ARHGAP26: variants seen among roughly 807,000 people sequenced by gnomAD.
ARHGAP26 encodes the protein Rho GTPase activating protein 26.
Under a neutral mutation model 104.8 loss-of-function variants are expected in ARHGAP26, and 38 were observed. That is an observed-to-expected ratio of 0.36 (90% CI 0.28 to 0.48). The LOEUF is 0.48. Among genes scored for constraint, ARHGAP26 ranks in the 20% least tolerant of loss-of-function variants. ARHGAP26 has a pLI of 0.99. For missense variants in ARHGAP26, 704 were observed against 947.9 expected, an observed-to-expected ratio of 0.74 and a Z score of 3.38; for synonymous variants, 341 against 340.0, an observed-to-expected ratio of 1.00 and a Z score of -0.03.
intron 9 of ARHGAP26, among the ~76,000 whole-genome samples, chr5:142,909,769 C>A (rs982099459): frequency 1.3e-5 from 2 of 152,314 alleles, no homozygotes; most frequent in South Asian, 4.1e-4. Context: ...TTGGATTGAG[C>A]CTTAGTCCCT....
chr5:142,787,995 C>CTTTTT lies in ARHGAP26; in HGVS notation c.154+17092_154+17096dup, dbSNP rs71576156. On this transcript the variant is annotated intron_variant, in intron 1 of 22. Transcript: ENST00000645722. ...TTTTGTCCATGATTATTAACCAATT[C>CTTTTT]TTTTTTTTTTTTTTTTAAGATGGAG... Among the ~76,000 whole-genome samples, 169 of 132,854 alleles carry CTTTTT rather than the reference C, an allele frequency of 1.3e-3. 3 individuals carry two copies. Among genetic ancestry groups the CTTTTT allele is most frequent in the African/African-American group, 3.7e-3 (133 of 35,866 alleles). 87.2% of individuals were successfully genotyped at this position (132,854 alleles called of 152,430 possible).
At chr5:142,800,320 GTCTC>G (rs554534447) in intron 1 of ARHGAP26, among the ~76,000 whole-genome samples, 4 of 150,848 alleles carry the variant, frequency 2.7e-5, no homozygotes, top group African/African-American at 7.3e-5. Flanking sequence ...GTCTGTCTCT[GTCTC>G]TCTCTCTCAA....
chr5:142,952,074 T>C (rs1295847566), intron 11 of ARHGAP26, among the ~76,000 whole-genome samples: 1 of 152,204 alleles, frequency 6.6e-6, no homozygotes, highest in Non-Finnish European at 1.5e-5. Context: ...CTTTCGCTGC[T>C]CTTCTGTCTC....
chr5:143,084,063 A>G (rs1292780175), intron 17 of ARHGAP26, among the ~76,000 whole-genome samples: 1 of 152,212 alleles, frequency 6.6e-6, no homozygotes, highest in African/African-American at 2.4e-5. Context: ...TGATGCCACC[A>G]GCTCATCCGG....
At chr5:142,779,244 A>G (rs1188114348) in intron 1 of ARHGAP26, among the ~76,000 whole-genome samples, 1 of 152,202 alleles carries the variant, frequency 6.6e-6, no homozygotes, top group South Asian at 2.1e-4. Context: ...GCACCTCAGA[A>G]TGGAGAGAGA....
rs115989904 is a variant in ARHGAP26 at position 143,105,650 on chromosome 5, A to G, written c.1539-15338A>G. ...GTGTCATAGCCTTGGTACAGGTCTC[A>G]TAGCCTTGCAGCACTGTGTTCCTGG... On this transcript the variant is annotated intron_variant, in intron 17 of 22. Coordinates refer to ENST00000645722, the MANE Select transcript of ARHGAP26 (RefSeq NM_001135608.3). Among the ~76,000 whole-genome samples the G allele has an allele frequency of 2.4e-3, 358 of 152,280 alleles. 1 individual carries two copies. Among genetic ancestry groups the G allele is most frequent in the African/African-American group, 8.3e-3 (345 of 41,548 alleles).
chr5:143,097,911 G>A lies in ARHGAP26; in HGVS notation c.1539-23077G>A, dbSNP rs2150585332. On this transcript the variant is annotated intron_variant, in intron 17 of 22. Coordinates refer to ENST00000645722, the MANE Select transcript of ARHGAP26 (RefSeq NM_001135608.3). ...ATGTCTCTGACATATTTCATTTGGTGACAACGTTCAGTGGGACATATTTTG... is the reference window on the plus strand; with the variant it reads ...ATGTCTCTGACATATTTCATTTGGTAACAACGTTCAGTGGGACATATTTTG... Among the ~76,000 whole-genome samples, 4 of 151,832 alleles carry A rather than the reference G, an allele frequency of 2.6e-5. No homozygotes were observed. The South Asian group carries it at 8.3e-4, about 32-fold the overall frequency.
At chr5:143,145,973 A>G (rs1217910974) in intron 19 of ARHGAP26, among the ~76,000 whole-genome samples, 1 of 152,218 alleles carries the variant, frequency 6.6e-6, no homozygotes, top group African/African-American at 2.4e-5. Flanking sequence ...TTAATTGCCT[A>G]AAGAGACCTG....
chr5:142,871,178 G>A lies in ARHGAP26; in HGVS notation c.155-2222G>A, dbSNP rs926364178. Among the ~76,000 whole-genome samples the A allele has an allele frequency of 2.6e-5, 4 of 152,184 alleles. No homozygotes were observed. Among genetic ancestry groups the A allele is most frequent in the African/African-American group, 9.7e-5 (4 of 41,442 alleles). On this transcript the variant is annotated intron_variant, in intron 1 of 22. Coordinates refer to ENST00000645722, the MANE Select transcript of ARHGAP26 (RefSeq NM_001135608.3). This position sits in a 1 kb window ranked among gnomAD's most constrained non-coding sequence, Gnocchi z 4.1. ...TCACTGCTTCTCAGGCTTGCACTGT[G>A]GCAGGGTGTGCTCTGTGCCAGTGGA...
chr5:143,085,134 G>C (rs938399989), intron 17 of ARHGAP26, among the ~76,000 whole-genome samples: 1 of 151,496 alleles, frequency 6.6e-6, no homozygotes, highest in African/African-American at 2.4e-5. Flanking sequence ...TTGTGGTCCC[G>C]GCCCCGGAAA....
chr5:142,851,934 G>A (rs939181575), intron 1 of ARHGAP26, among the ~76,000 whole-genome samples: 2 of 152,148 alleles, frequency 1.3e-5, no homozygotes, highest in South Asian at 2.1e-4. Flanking sequence ...TATTTCCAGG[G>A]TTCACTCTAC....
chr5:142,940,967 C>T (rs993580248), intron 11 of ARHGAP26, among the ~76,000 whole-genome samples: 1 of 140,116 alleles, frequency 7.1e-6, no homozygotes, highest in African/African-American at 2.7e-5. Context: ...CCCAGCTACT[C>T]GGGAGGCTGA....
At chr5:143,103,256 C>T (rs1793515188) in intron 17 of ARHGAP26, 4 of 984,558 alleles carry the variant, frequency 4.1e-6, no homozygotes, top group Non-Finnish European at 4.8e-6. Context: ...AATATCATTA[C>T]TCTTCAAAGA....
intron 1 of ARHGAP26, among the ~76,000 whole-genome samples, chr5:142,795,709 A>G (rs1292487033): frequency 6.6e-6 from 1 of 152,170 alleles, no homozygotes; most frequent in Non-Finnish European, 1.5e-5. Context: ...AATTTTTTCC[A>G]GTTTGAAAAG....
At chr5:143,142,493 T>C (rs1798677438) in intron 19 of ARHGAP26, among the ~76,000 whole-genome samples, 1 of 144,046 alleles carries the variant, frequency 6.9e-6, no homozygotes, top group East Asian at 2.0e-4. Flanking sequence ...CTTTTTAAGA[T>C]TTTTTTAAAA....
chr5:142,936,083 A>G (rs1284871361), intron 11 of ARHGAP26, among the ~76,000 whole-genome samples: 2 of 148,166 alleles, frequency 1.3e-5, no homozygotes, highest in Non-Finnish European at 3.0e-5. Flanking sequence ...AGATAACACA[A>G]TTGTCTATGT....
At chr5:142,949,188 A>AGAGAGAGAGAGAGAGAG in intron 11 of ARHGAP26, among the ~76,000 whole-genome samples, 1 of 34,724 alleles carries the variant, frequency 2.9e-5, no homozygotes, top group Non-Finnish European at 5.0e-5. Flanking sequence ...AGAGAGAGAG[A>AGAGAGAGAGAGAGAGAG]GAGAGAGAGA....
At chr5:142,791,752 T>C (rs1407291882) in intron 1 of ARHGAP26, among the ~76,000 whole-genome samples, 1 of 151,838 alleles carries the variant, frequency 6.6e-6, no homozygotes, top group Non-Finnish European at 1.5e-5. Context: ...TCACCTGAGG[T>C]CAGGAGTTTG....
intron 17 of ARHGAP26, among the ~76,000 whole-genome samples, chr5:143,113,147 A>G (rs969847653): frequency 1.3e-5 from 2 of 152,220 alleles, no homozygotes; most frequent in African/African-American, 2.4e-5. Context: ...AGAGCTAGTT[A>G]CACCCTCAGA....
Sources: gnomAD v4.1 joint callset for allele counts (sites outside exome capture counted in the v4.1 genomes callset) on GRCh38, gnomAD v4.1.1 for gene constraint, Gnocchi (gnomAD v3.1) non-coding constraint, MANE v1.5 for transcripts, NCBI Gene and HGNC (gene_info 2026-07-23, HGNC 2026-07-21) for gene names.